The following NDRG3 variants were observed in gnomAD, a reference collection of about 807,000 sequenced individuals.
The protein encoded by NDRG3 is NDRG family member 3, also known as protein NDRG3.
A neutral mutation model predicts 57.2 loss-of-function variants in NDRG3; 23 were observed. The observed-to-expected ratio is 0.40, with a 90% CI of 0.29 to 0.57. NDRG3 has a LOEUF of 0.57. NDRG3 is among the 20% of genes least tolerant of loss of function. The probability of loss-of-function intolerance (pLI) is 0.42; values close to 1 mark genes in which losing one functional copy is unlikely to be tolerated. For missense variants in NDRG3, 384 were observed against 457.3 expected, an observed-to-expected ratio of 0.84 and a Z score of 1.46; for synonymous variants, 132 against 162.6, an observed-to-expected ratio of 0.81 and a Z score of 1.43.
At chr20:36,664,344 C>G (rs991578835) in intron 12 of NDRG3, among the ~76,000 whole-genome samples, 1 of 151,976 alleles carries the variant, frequency 6.6e-6, no homozygotes, top group African/African-American at 2.4e-5. Context: ...AAATTTTTTT[C>G]ATAGTTTCTA....
intron 3 of NDRG3, among the ~76,000 whole-genome samples, chr20:36,690,854 CG>C: frequency 2.6e-5 from 4 of 152,000 alleles, no homozygotes; most frequent in Non-Finnish European, 5.9e-5. Context: ...AAAGATGCAC[CG>C]AGCAAAGCTC....
rs1272180487 is a variant in NDRG3, at chr20:36,730,315, C to A, written c.-48-8532G>T. 5.3e-5 allele frequency among the ~76,000 whole-genome samples: 8 copies of A among 151,554 alleles called. No individual in the cohort carries two copies. In the East Asian group the frequency reaches 1.6e-3, roughly 30 times the overall value. ...TTGTCACTCGGCTGGAGTGCAGTGG[C>A]ACCATCTTAGCTCACTGTAACCTTG... On this transcript the variant is annotated intron_variant, in intron 1 of 15. Transcript: ENST00000349004.
At chr20:36,699,893 C>G (rs1296767923) in intron 3 of NDRG3, among the ~76,000 whole-genome samples, 2 of 151,992 alleles carry the variant, frequency 1.3e-5, no homozygotes, top group African/African-American at 4.8e-5. Context: ...GAGGCTGAGG[C>G]AGGCGGATCA....
chr20:36,733,171 A>ATATAT (rs57063755), intron 1 of NDRG3, among the ~76,000 whole-genome samples: 23 of 33,012 alleles, frequency 7.0e-4, no homozygotes, highest in Non-Finnish European at 1.0e-3. Flanking sequence ...AAAAAAAAAA[A>ATATAT]ATATATATAT....
chr20:36,678,790 CA>C (rs1410917140), intron 8 of NDRG3, among the ~76,000 whole-genome samples: 1 of 152,138 alleles, frequency 6.6e-6, no homozygotes. Context: ...TAATGGAAAA[CA>C]TAAAAACAAA....
rs6102013 is a variant in NDRG3, at chr20:36,738,212, A to G, written c.-49+7833T>C. On this transcript the variant is annotated intron_variant, in intron 1 of 15. Transcript: ENST00000349004. ...CATCCAAAGTTATATTTTAGTGAACACCCTGGTTAAAACCATCCCAACAAA... is the reference window on the plus strand; with the variant it reads ...CATCCAAAGTTATATTTTAGTGAACGCCCTGGTTAAAACCATCCCAACAAA... Among the ~76,000 whole-genome samples the G allele has an allele frequency of 6.7e-3, 1,021 of 152,188 alleles. 13 individuals are homozygous for G. The highest frequency in any genetic ancestry group is 0.023 in the African/African-American group (960 of 41,522).
chr20:36,658,798 A>C (rs186244043), intron 13 of NDRG3, among the ~76,000 whole-genome samples: 1 of 152,198 alleles, frequency 6.6e-6, no homozygotes, highest in Non-Finnish European at 1.5e-5. Context: ...GATATTTAGC[A>C]TAAGAGTTGG....
chr20:36,656,042 G>A (rs2148016148), intron 15 of NDRG3, among the ~76,000 whole-genome samples: 1 of 150,410 alleles, frequency 6.6e-6, no homozygotes, highest in South Asian at 2.1e-4. Flanking sequence ...GCTGAGGCAG[G>A]AGAATCGCTT....
chr20:36,719,199 CG>C (rs1984444185), intron 2 of NDRG3, among the ~76,000 whole-genome samples: 2 of 152,034 alleles, frequency 1.3e-5, no homozygotes, highest in South Asian at 2.1e-4. Context: ...GAGGCCGAGG[CG>C]GGTGGATCAA....
chr20:36,717,325 A>G (rs1415566982), intron 2 of NDRG3, among the ~76,000 whole-genome samples: 1 of 152,262 alleles, frequency 6.6e-6, no homozygotes, highest in African/African-American at 2.4e-5. Flanking sequence ...TTTCACGGTA[A>G]AAGGTTGGTT....
intron 9 of NDRG3, among the ~76,000 whole-genome samples, chr20:36,668,978 G>A (rs1297032735): frequency 6.6e-6 from 1 of 151,818 alleles, no homozygotes; most frequent in Non-Finnish European, 1.5e-5. Flanking sequence ...CTCGAATTAT[G>A]GGCTCAAGTG....
intron 2 of NDRG3, among the ~76,000 whole-genome samples, chr20:36,707,823 C>A (rs1015681963): frequency 1.3e-5 from 2 of 152,158 alleles, no homozygotes; most frequent in Admixed American, 6.6e-5. Context: ...GTGGCTCACA[C>A]CTGTAATCCC....
In NDRG3 at chr20:36,739,084, G is replaced by A. The variant is rs558528079; in HGVS notation, c.-49+6961C>T. Among the ~76,000 whole-genome samples, 392 of 128,862 alleles carry A rather than the reference G, an allele frequency of 3.0e-3. 2 individuals are homozygous for A. The highest frequency in any genetic ancestry group is 0.014 in the Middle Eastern group (3 of 212). The allele number at this position is 128,862 out of a possible 152,430, so 84.5% of individuals were successfully genotyped here. On this transcript the variant is annotated intron_variant, in intron 1 of 15. Transcript: ENST00000349004. ...CGGGAGGCAGAGGCTGCAGTAAGCC[G>A]AAATCCTGCCACTGCACTCCAGCCT... is the stretch of plus-strand genomic sequence containing the variant.
chr20:36,701,352 C>T (rs998365426), intron 3 of NDRG3, among the ~76,000 whole-genome samples: 3 of 151,892 alleles, frequency 2.0e-5, no homozygotes, highest in African/African-American at 7.3e-5. Context: ...GTCTGAGCAA[C>T]AGAGCAAGAC....
At chr20:36,689,716 GA>G (rs1982096031) in intron 3 of NDRG3, among the ~76,000 whole-genome samples, 1 of 109,424 alleles carries the variant, frequency 9.1e-6, no homozygotes, top group African/African-American at 3.9e-5. Flanking sequence ...GGAACTAAGA[GA>G]TTTTTTTTTT....
chr20:36,743,369 C>G (rs1229017910), intron 1 of NDRG3, among the ~76,000 whole-genome samples: 1 of 152,094 alleles, frequency 6.6e-6, no homozygotes, highest in Non-Finnish European at 1.5e-5. Context: ...TGGCGGGCGC[C>G]TGTAATTCCA....
chr20:36,675,628 T>G (rs1419961494), intron 8 of NDRG3, among the ~76,000 whole-genome samples: 1 of 151,848 alleles, frequency 6.6e-6, no homozygotes, highest in African/African-American at 2.4e-5. Flanking sequence ...TCAGGTGATA[T>G]GCCCACCTCG....
intron 3 of NDRG3, among the ~76,000 whole-genome samples, chr20:36,696,360 G>T (rs1009431831): frequency 1.3e-5 from 2 of 152,130 alleles, no homozygotes; most frequent in African/African-American, 4.8e-5. Context: ...CTCCCAAAGT[G>T]CTGGGATTAC....
At chr20:36,698,322 G>A (rs970389599) in intron 3 of NDRG3, among the ~76,000 whole-genome samples, 8 of 151,506 alleles carry the variant, frequency 5.3e-5, no homozygotes, top group Non-Finnish European at 1.2e-4. Context: ...GTGTGTGGTG[G>A]CTCATGCCTG....
Sources: allele counts gnomAD v4.1 joint callset (sites outside exome capture counted in the v4.1 genomes callset), GRCh38; gene constraint gnomAD v4.1.1; transcripts MANE v1.5; gene names NCBI Gene and HGNC (gene_info 2026-07-23, HGNC 2026-07-21).